The following MED13L variants were observed in gnomAD, a reference collection of about 807,000 sequenced individuals.
MED13L encodes mediator complex subunit 13L, also known as mediator of RNA polymerase II transcription subunit 13-like.
In MED13L, 7 loss-of-function variants were observed where a neutral mutation model predicts 220.9. The ratio of observed to expected loss-of-function variants is 0.03; its 90% confidence interval spans 0.02 to 0.06. The LOEUF (loss-of-function observed/expected upper bound fraction) is 0.06. MED13L is among the 10% of genes least tolerant of loss of function. MED13L has a pLI of 1.00. For synonymous variants in MED13L, 1,011 were observed against 1,015.2 expected (o/e 1.00, Z 0.08); for missense variants, 1,965 against 2,760.5 (o/e 0.71, Z 6.46).
At chr12:116,065,372 G>A (rs1338110028) in intron 4 of MED13L, among the ~76,000 whole-genome samples, 2 of 152,104 alleles carry the variant, frequency 1.3e-5, no homozygotes, top group Non-Finnish European at 2.9e-5. Context: ...TATATGCTGA[G>A]TATAATAAAT....
intron 4 of MED13L, among the ~76,000 whole-genome samples, chr12:116,080,021 G>GT (rs112759928): frequency 0.022 from 3,031 of 139,110 alleles, 56 homozygotes; most frequent in African/African-American, 0.056. Flanking sequence ...AACATTTGAG[G>GT]TTTTTTTTTT....
At chr12:116,170,611 T>G (rs575439181) in intron 2 of MED13L, among the ~76,000 whole-genome samples, 7 of 150,102 alleles carry the variant, frequency 4.7e-5, no homozygotes, top group Admixed American at 2.0e-4. Flanking sequence ...TTTTTTTGTT[T>G]TTTTTTTTTT....
chr12:116,134,438 G>C (rs1185128034), intron 2 of MED13L, among the ~76,000 whole-genome samples: 1 of 152,152 alleles, frequency 6.6e-6, no homozygotes, highest in Non-Finnish European at 1.5e-5. Context: ...TGATATAACA[G>C]GGTACTAGGA....
intron 2 of MED13L, among the ~76,000 whole-genome samples, chr12:116,122,397 T>A (rs957523503): frequency 6.6e-6 from 1 of 152,218 alleles, no homozygotes; most frequent in Non-Finnish European, 1.5e-5. Context: ...ATCAGTTGCC[T>A]GGTAGAATCT....
At chr12:116,026,942 T>C (rs778358003) in intron 4 of MED13L, among the ~76,000 whole-genome samples, 10 of 151,866 alleles carry the variant, frequency 6.6e-5, no homozygotes, top group Middle Eastern at 6.8e-3. Flanking sequence ...TAAAAGGAAA[T>C]GATCACACTG....
intron 3 of MED13L, among the ~76,000 whole-genome samples, chr12:116,110,628 T>C (rs1347232862): frequency 6.6e-6 from 1 of 152,096 alleles, no homozygotes; most frequent in African/African-American, 2.4e-5. Context: ...AAACACAAAA[T>C]TGACAAAGAT....
chr12:116,121,080 CACTT>C (rs1344773485), intron 2 of MED13L, among the ~76,000 whole-genome samples: 1 of 152,174 alleles, frequency 6.6e-6, no homozygotes, highest in African/African-American at 2.4e-5. Context: ...AAAGTTATCT[CACTT>C]AAATTATAAA....
intron 4 of MED13L, among the ~76,000 whole-genome samples, chr12:116,072,378 A>G (rs375845248): frequency 6.6e-6 from 1 of 152,212 alleles, no homozygotes. Flanking sequence ...TGTGCTGTGT[A>G]TTAGTTCACA....
intron 4 of MED13L, among the ~76,000 whole-genome samples, chr12:116,035,754 C>T: frequency 6.6e-6 from 1 of 152,022 alleles, no homozygotes; most frequent in Non-Finnish European, 1.5e-5. Flanking sequence ...CCACACCCAG[C>T]TAATTTTTAC....
At chr12:116,256,413 T>G (rs1042956206) in intron 1 of MED13L, among the ~76,000 whole-genome samples, 9 of 151,914 alleles carry the variant, frequency 5.9e-5, no homozygotes, top group Non-Finnish European at 1.0e-4. Flanking sequence ...AACAGCAGAT[T>G]GGTAGTTGCC....
intron 4 of MED13L, among the ~76,000 whole-genome samples, chr12:116,067,789 T>C (rs1331431315): frequency 1.3e-5 from 2 of 152,160 alleles, no homozygotes; most frequent in African/African-American, 4.8e-5. Flanking sequence ...AACATAACAA[T>C]CCTTACTTCA....
At chr12:116,007,187 T>C (rs1879100532) in intron 11 of MED13L, 1 of 585,038 alleles carries the variant, frequency 1.7e-6, no homozygotes, top group Admixed American at 2.7e-5. Flanking sequence ...CTGGAAAATA[T>C]GAGGCTTCAT....
intron 2 of MED13L, among the ~76,000 whole-genome samples, chr12:116,188,532 TAGTC>T (rs1223382076): frequency 3.3e-5 from 5 of 152,184 alleles, no homozygotes; most frequent in Non-Finnish European, 4.4e-5. Context: ...TTGTGTGAGA[TAGTC>T]AGAGATTCAC....
chr12:116,120,718 A>C (rs993709040), intron 2 of MED13L, among the ~76,000 whole-genome samples: 1 of 152,122 alleles, frequency 6.6e-6, no homozygotes, highest in African/African-American at 2.4e-5. Flanking sequence ...AAAGAAAAAA[A>C]AATAAAAAAC....
In MED13L at chr12:116,054,178, T is replaced by C. The variant is rs1868746227; in HGVS notation, c.480-31577A>G. On this transcript the variant is annotated intron_variant, in intron 4 of 30. Transcript: ENST00000281928. ...TGAAAAACAGTTCTACTACTTAGAG[T>C]AATTTAACAACTATTACACACACAC... Among the ~76,000 whole-genome samples, 3 of 151,296 alleles carry C rather than the reference T, an allele frequency of 2.0e-5. No homozygotes were observed. The Admixed American group carries it at 2.0e-4, about 10-fold the overall frequency.
chr12:116,113,366 G>C (rs1160433218), intron 2 of MED13L, among the ~76,000 whole-genome samples: 1 of 151,672 alleles, frequency 6.6e-6, no homozygotes, highest in Non-Finnish European at 1.5e-5. Context: ...GCTGGATGTG[G>C]TGGCTCACAG....
At chr12:116,218,438 A>G (rs2138380686) in intron 2 of MED13L, among the ~76,000 whole-genome samples, 1 of 152,312 alleles carries the variant, frequency 6.6e-6, no homozygotes, top group East Asian at 1.9e-4. Context: ...GCCAACATTT[A>G]CAACAAAAAC....
In MED13L at chr12:115,990,476, G is replaced by C. The variant is rs939643768; in HGVS notation, c.3934+544C>G. Among the ~76,000 whole-genome samples, 5 of 152,184 alleles carry C rather than the reference G, an allele frequency of 3.3e-5. No individual in the cohort carries two copies. In the East Asian group the frequency reaches 9.6e-4, roughly 29 times the overall value. On this transcript the variant is annotated intron_variant, in intron 17 of 30. Transcript: ENST00000281928. ...GAGTAAGAAAAGGAAACAGCAAGTTGCTTGGCACTCTTACAGCCCAACTTC... is the reference window on the plus strand; with the variant it reads ...GAGTAAGAAAAGGAAACAGCAAGTTCCTTGGCACTCTTACAGCCCAACTTC...
intron 1 of MED13L, among the ~76,000 whole-genome samples, chr12:116,251,216 G>C (rs909686082): frequency 6.8e-6 from 1 of 146,752 alleles, no homozygotes; most frequent in Non-Finnish European, 1.5e-5. Context: ...AAACAAGACA[G>C]TGTACTTAAA....
Sources: allele counts gnomAD v4.1 joint callset (sites outside exome capture counted in the v4.1 genomes callset), GRCh38; gene constraint gnomAD v4.1.1; transcripts MANE v1.5; gene names NCBI Gene and HGNC (gene_info 2026-07-23, HGNC 2026-07-21).